RASAL2: variants seen among roughly 807,000 people sequenced by gnomAD.
RASAL2 encodes the protein ras GTPase-activating protein nGAP.
In RASAL2, 58 loss-of-function variants were observed where a neutral mutation model predicts 128.9. That is an observed-to-expected ratio of 0.45 (90% CI 0.36 to 0.56). RASAL2 has a LOEUF of 0.56. RASAL2 is among the 20% of genes least tolerant of loss of function. The pLI is 0.00. For synonymous variants in RASAL2, 561 were observed against 580.8 expected, an observed-to-expected ratio of 0.97 and a Z score of 0.49; for missense variants, 1,360 against 1,601.6, an observed-to-expected ratio of 0.85 and a Z score of 2.57.
chr1:178,356,102 A>G (rs954174688), intron 3 of RASAL2, among the ~76,000 whole-genome samples: 1 of 145,018 alleles, frequency 6.9e-6, no homozygotes, highest in African/African-American at 2.6e-5. Context: ...CGGGAGGCAG[A>G]GGCTGCAGTG....
intron 3 of RASAL2, among the ~76,000 whole-genome samples, chr1:178,327,172 G>A (rs1241672771): frequency 1.3e-5 from 2 of 151,954 alleles, no homozygotes; most frequent in Non-Finnish European, 2.9e-5. Context: ...TTGCTCCCAT[G>A]GAGGTCCTCT....
At chr1:178,218,457 C>T (rs1301913211) in intron 1 of RASAL2, among the ~76,000 whole-genome samples, 6 of 152,074 alleles carry the variant, frequency 3.9e-5, no homozygotes, top group East Asian at 3.9e-4. Flanking sequence ...AAGGCCGAGG[C>T]GGGCGGATTA....
intron 1 of RASAL2, among the ~76,000 whole-genome samples, chr1:178,210,727 A>G (rs1292328175): frequency 6.6e-6 from 1 of 152,226 alleles, no homozygotes; most frequent in East Asian, 1.9e-4. Context: ...ATTTGGTCTG[A>G]AAGTTTAGAT....
intron 17 of RASAL2, among the ~76,000 whole-genome samples, chr1:178,469,061 G>A (rs1251815024): frequency 6.6e-6 from 1 of 152,172 alleles, no homozygotes; most frequent in Admixed American, 6.5e-5. Flanking sequence ...ACTTTGGGAG[G>A]CTGAGGCAGG....
intron 4 of RASAL2, among the ~76,000 whole-genome samples, chr1:178,391,801 C>T (rs775919490): frequency 1.3e-5 from 2 of 152,032 alleles, no homozygotes; most frequent in Admixed American, 6.5e-5. Flanking sequence ...TATCTCAGAT[C>T]GTTTCTATGT....
chr1:178,101,650 A>G (rs1658904992), intron 1 of RASAL2, among the ~76,000 whole-genome samples: 1 of 152,216 alleles, frequency 6.6e-6, no homozygotes, highest in African/African-American at 2.4e-5. Flanking sequence ...ATAGTTTTTG[A>G]TATTTTTCAA....
chr1:178,213,887 A>T (rs1327512014), intron 1 of RASAL2, among the ~76,000 whole-genome samples: 1 of 151,570 alleles, frequency 6.6e-6, no homozygotes, highest in Non-Finnish European at 1.5e-5. Context: ...TGAGGACTTT[A>T]TATAGGGAAA....
chr1:178,272,424 T>G (rs1438476983), intron 1 of RASAL2, among the ~76,000 whole-genome samples: 1 of 152,222 alleles, frequency 6.6e-6, no homozygotes, highest in East Asian at 1.9e-4. Flanking sequence ...AAGATACCTT[T>G]TAACTCTACA....
At chr1:178,219,632 GAA>G (rs34519020) in intron 1 of RASAL2, among the ~76,000 whole-genome samples, 8 of 108,608 alleles carry the variant, frequency 7.4e-5, no homozygotes, top group Non-Finnish European at 9.8e-5. Context: ...TCTGCCTCAG[GAA>G]AAAAAAAAAA....
chr1:178,223,990 C>G (rs192791647), intron 1 of RASAL2, among the ~76,000 whole-genome samples: 257 of 152,138 alleles, frequency 1.7e-3, no homozygotes, highest in African/African-American at 6.0e-3. Context: ...CTTGAGATAG[C>G]TATTAAGTGT....
intron 3 of RASAL2, among the ~76,000 whole-genome samples, chr1:178,371,646 G>A (rs996000214): frequency 2.0e-5 from 3 of 152,132 alleles, no homozygotes; most frequent in Non-Finnish European, 4.4e-5. Flanking sequence ...GGAAATCTTC[G>A]TAAAGGGGGC....
intron 1 of RASAL2, among the ~76,000 whole-genome samples, chr1:178,126,669 G>A (rs12071903): frequency 0.24 from 36,724 of 152,040 alleles, 5,319 homozygotes; most frequent in African/African-American, 0.41. Flanking sequence ...TTTACAACCT[G>A]GCTGCCTTTT....
intron 3 of RASAL2, among the ~76,000 whole-genome samples, chr1:178,368,543 G>T (rs988649031): frequency 6.6e-6 from 1 of 151,978 alleles, no homozygotes; most frequent in East Asian, 1.9e-4. Context: ...TAATTAGTAA[G>T]TACTTACTAC....
At chr1:178,213,849 G>A (rs1663336294) in intron 1 of RASAL2, among the ~76,000 whole-genome samples, 1 of 150,398 alleles carries the variant, frequency 6.6e-6, no homozygotes, top group Non-Finnish European at 1.5e-5. Flanking sequence ...AAATACATGA[G>A]AACTCACTGA....
chr1:178,190,129 T>C (rs1662442460), intron 1 of RASAL2, among the ~76,000 whole-genome samples: 1 of 152,160 alleles, frequency 6.6e-6, no homozygotes, highest in Non-Finnish European at 1.5e-5. Context: ...TGGTCTAAAA[T>C]GAGTTTGAGA....
chr1:178,169,107 T>G (rs771569936), intron 1 of RASAL2, among the ~76,000 whole-genome samples: 4 of 152,112 alleles, frequency 2.6e-5, no homozygotes, highest in Non-Finnish European at 4.4e-5. Flanking sequence ...ATATGCATAG[T>G]TGCCTACTTT....
At chr1:178,234,971 G>C (rs1445585781) in intron 1 of RASAL2, among the ~76,000 whole-genome samples, 1 of 152,072 alleles carries the variant, frequency 6.6e-6, no homozygotes, top group Non-Finnish European at 1.5e-5. Context: ...GTCCTCCCTA[G>C]ATGTTCCTTT....
At chr1:178,107,635 C>T (rs1187256884) in intron 1 of RASAL2, among the ~76,000 whole-genome samples, 1 of 152,116 alleles carries the variant, frequency 6.6e-6, no homozygotes, top group Non-Finnish European at 1.5e-5. Context: ...CTTTCCCCTC[C>T]TCTTAGCAGC....
In RASAL2 at chr1:178,443,181, G is replaced by C; in HGVS notation, c.1434G>C (p.Glu478Asp). The C allele has an allele frequency of 1.2e-6, 2 of 1,613,658 alleles. No individual in the cohort carries two copies. The highest frequency in any genetic ancestry group is 1.7e-6 in the Non-Finnish European group (2 of 1,179,658). ...EPVISVRNKE[E>D]LACALVHILQ... ...TAATTAGTGTGAGAAATAAAGAGGA[G>C]TTGGCTTGTGCCTTAGTGCACATTC... is the stretch of plus-strand genomic sequence containing the variant. Residue 478 changes from glutamate to aspartate, a missense_variant, in exon 8 of 18, where the codon GAG becomes GAC. This residue lies in a region of RASAL2 where 617 missense variants were observed against 714.2 expected (regional missense o/e 0.86). Transcript: ENST00000367649.
Sources: allele counts gnomAD v4.1 joint callset (sites outside exome capture counted in the v4.1 genomes callset), GRCh38; gene constraint gnomAD v4.1.1; regional missense constraint gnomAD v4.1.1; transcripts MANE v1.5; gene names NCBI Gene and HGNC (gene_info 2026-07-23, HGNC 2026-07-21).